Variants in ZNF544 observed in about 807,000 individuals in gnomAD.
ZNF544 encodes zinc finger protein AF020591.
In ZNF544, 10 loss-of-function variants were observed where a neutral mutation model predicts 13.5. The ratio of observed to expected loss-of-function variants is 0.74; its 90% CI spans 0.46 to 1.25. The LOEUF is 1.25. Ranked by LOEUF, ZNF544 falls within the 50% of genes most tolerant of loss-of-function variation. The pLI, the probability that ZNF544 is intolerant of heterozygous loss-of-function variation, is 0.00. For missense variants in ZNF544, 896 were observed against 845.6 expected, an observed-to-expected ratio of 1.06 and a Z score of -0.74; for synonymous variants, 323 against 300.5, an observed-to-expected ratio of 1.07 and a Z score of -0.77.
At chr19:58,264,721 G>C (rs1216872152), downstream of ZNF544, among the ~76,000 whole-genome samples, 3 of 148,280 alleles carry the variant, frequency 2.0e-5, no homozygotes, top group Non-Finnish European at 1.5e-5. Flanking sequence ...AAAAAACCCT[G>C]AGCTGGCTGT....
At chr19:58,247,716 T>A (rs979830782) in intron 6 of ZNF544, 1 of 152,018 alleles carries the variant, frequency 6.6e-6, no homozygotes, top group African/African-American at 2.4e-5. Flanking sequence ...GTATTTTTAA[T>A]GGAGATAGGG....
At chr19:58,255,762 G>T (rs571501850) in intron 6 of ZNF544, among the ~76,000 whole-genome samples, 2 of 152,224 alleles carry the variant, frequency 1.3e-5, no homozygotes, top group Non-Finnish European at 2.9e-5. Flanking sequence ...ATGAGCTGCC[G>T]CTGCCAGTTG....
Position 58,261,201 on chromosome 19 carries a change from G to T in ZNF544, c.595G>T (p.Ala199Ser), listed in dbSNP as rs2048863360. ...AGTTAAAGAGTTGAAACAAAATTCA[G>T]CTTTCATTAATCATGAGAAAAATGG... ...SQVKELKQNS[A>S]FINHEKNGAD... Residue 199 changes from alanine (A) to serine (S), a missense_variant, in exon 7 of 7, where the codon GCT (alanine) becomes TCT (serine). Ala to Ser is a moderately conservative substitution (Grantham distance 99). Transcript: ENST00000687789. 1 of 1,614,102 alleles carries T rather than the reference G, an allele frequency of 6.2e-7. No homozygotes were observed. Among genetic ancestry groups the T allele is most frequent in the Non-Finnish European group, 8.5e-7 (1 of 1,180,040 alleles).
chr19:58,263,513 C>T lies in ZNF544; in HGVS notation c.*759C>T, dbSNP rs1248914404. 3.0e-6 allele frequency: 3 copies of T among 985,328 alleles called. No individual in the cohort carries two copies. Among genetic ancestry groups the T allele is most frequent in the Non-Finnish European group, 2.4e-6 (2 of 829,952 alleles). 61.0% of individuals were successfully genotyped at this position (985,328 alleles called of 1,614,324 possible). A position where few individuals can be genotyped will look rare whatever the true frequency, so the allele number is the denominator to read the frequency against. On this transcript the variant is annotated 3_prime_UTR_variant, in exon 7 of 7. Transcript: ENST00000687789. ...CTGCCAGACCTTGTTTACTAGAAATCAGGTGGCCAAAACATGACTCTCAGA... is the reference window on the plus strand; with the variant it reads ...CTGCCAGACCTTGTTTACTAGAAATTAGGTGGCCAAAACATGACTCTCAGA...
In ZNF544 at chr19:58,238,636, C is replaced by G. The variant is rs150618735; in HGVS notation, c.-59-5329C>G. 2.9e-3 allele frequency among the ~76,000 whole-genome samples: 435 copies of G among 152,246 alleles called. 3 individuals are homozygous for G. Among genetic ancestry groups the G allele is most frequent in the African/African-American group, 0.01 (417 of 41,524 alleles). ...CGTACGTGAGGGTCTGCTGTGCGCT[C>G]AGTACAGAGTGGGTGTGGGTTTCTG... On this transcript the variant is annotated intron_variant, in intron 3 of 6. Transcript: ENST00000687789.
chr19:58,233,010 T>A (rs1245314638), intron 3 of ZNF544, among the ~76,000 whole-genome samples: 3 of 151,304 alleles, frequency 2.0e-5, no homozygotes, highest in Non-Finnish European at 4.4e-5. Flanking sequence ...GAAAGAGGTT[T>A]AATTGACTCA....
At chr19:58,256,288 T>C (rs2047344955) in intron 6 of ZNF544, among the ~76,000 whole-genome samples, 1 of 152,214 alleles carries the variant, frequency 6.6e-6, no homozygotes. Context: ...ACTTTTTTTT[T>C]TTTGAGATGG....
intron 5 of ZNF544, among the ~76,000 whole-genome samples, chr19:58,273,455 C>T (rs1472083052): frequency 1.3e-5 from 2 of 152,194 alleles, no homozygotes; most frequent in East Asian, 1.9e-4. Context: ...CTTTGGGAGG[C>T]CAAGGTGGGC....
At chr19:58,245,407 T>C (rs2044933029) in intron 4 of ZNF544, among the ~76,000 whole-genome samples, 1 of 151,914 alleles carries the variant, frequency 6.6e-6, no homozygotes, top group African/African-American at 2.4e-5. Context: ...TTCAAGCGAT[T>C]CTCCTGCTGC....
rs115756733 is a variant in ZNF544, at chr19:58,248,952, G to A, written c.244+2158G>A. 8.5e-4 allele frequency among the ~76,000 whole-genome samples: 130 copies of A among 152,234 alleles called. 1 individual carries two copies. Among genetic ancestry groups the A allele is most frequent in the African/African-American group, 3.0e-3 (125 of 41,542 alleles). ...GGCCCATAACTAGTCTGATTGGTTG[G>A]GGAAGGTGACCAACAGAGGCTGAAG... On this transcript the variant is annotated intron_variant, in intron 6 of 6. Coordinates refer to ENST00000687789, the MANE Select transcript of ZNF544 (RefSeq NM_014480.4).
At chr19:58,235,256 A>C (rs1000817458) in intron 3 of ZNF544, among the ~76,000 whole-genome samples, 8 of 152,218 alleles carry the variant, frequency 5.3e-5, no homozygotes, top group Admixed American at 2.0e-4. Context: ...CAATGGTGAG[A>C]ATTTGTATAT....
At position 58,261,722 on chromosome 19, in the gene ZNF544, AAC is replaced by A. The variant is rs2048993281; in HGVS notation, c.1123_1124del (p.Thr375TrpfsTer15). The A allele has an allele frequency of 6.2e-7, 1 of 1,614,134 alleles. No homozygotes were observed. Among genetic ancestry groups the A allele is most frequent in the Non-Finnish European group, 8.5e-7 (1 of 1,180,046 alleles). On this transcript the variant is annotated frameshift_variant, in exon 7 of 7. Transcript: ENST00000687789. LOFTEE classifies it low-confidence loss of function (END_TRUNC). ...GCTGTTGTAAGCTCATACACCAGAG[AAC>A]ACACACTGGAGAAAAGCCCTTCGAA... ...FSCCKLIHQR[T>X]HTGEKPFECT...
chr19:58,248,134 G>A (rs1026158084), intron 6 of ZNF544, among the ~76,000 whole-genome samples: 1 of 151,646 alleles, frequency 6.6e-6, no homozygotes, highest in South Asian at 2.1e-4. Flanking sequence ...GGATGGTCTC[G>A]ATCTCCTGAC....
intron 6 of ZNF544, chr19:58,259,444 C>T (rs757329067): frequency 3.3e-5 from 5 of 152,208 alleles, no homozygotes; most frequent in Non-Finnish European, 4.4e-5. Flanking sequence ...TTTCCACCAA[C>T]CTGTTGGCTT....
chr19:58,233,783 T>C lies in ZNF544; in HGVS notation c.-60+3321T>C, dbSNP rs151234421. Among the ~76,000 whole-genome samples, 332 of 152,322 alleles carry C rather than the reference T, an allele frequency of 2.2e-3. 1 individual carries two copies. The highest frequency in any genetic ancestry group is 7.5e-3 in the African/African-American group (310 of 41,574). On this transcript the variant is annotated intron_variant, in intron 3 of 6. Coordinates refer to ENST00000687789, the MANE Select transcript of ZNF544 (RefSeq NM_014480.4). ...CTCATGGACTTAAATATCTTTACTG[T>C]GGTGCCCCAGTATCTTCTCTGGGCT...
intron 5 of ZNF544, chr19:58,276,219 C>G (rs1238922892): frequency 4.0e-6 from 2 of 495,126 alleles, no homozygotes; most frequent in Admixed American, 8.8e-5. Context: ...CAGGTTTCCC[C>G]TAAAGAGAAT....
chr19:58,266,509 G>A (rs1163667776), downstream of ZNF544: 2 of 109,264 alleles, frequency 1.8e-5, no homozygotes, highest in South Asian at 3.2e-4. Context: ...AGTGAGACTC[G>A]GTCTCAAAAA....
In ZNF544 at chr19:58,261,043, C is replaced by T. The variant is rs1424064975; in HGVS notation, c.437C>T (p.Thr146Ile). Residue 146 changes from threonine (T) to isoleucine (I), a missense_variant, in exon 7 of 7, where the codon ACC (threonine) becomes ATC (isoleucine). Thr to Ile is a moderately conservative substitution (Grantham distance 89). Transcript: ENST00000687789. The part of the protein sequence containing the change: ...QENSLRFMVL[T>I]SERLFAQREH... ...AACTCCTTGAGGTTCATGGTACTCA[C>T]CTCAGAGAGACTGTTTGCTCAAAGG... 2 of 1,614,172 alleles carry T rather than the reference C, an allele frequency of 1.2e-6. No homozygotes were observed. The highest frequency in any genetic ancestry group is 2.7e-5 in the African/African-American group (2 of 75,046).
chr19:58,251,369 C>T (rs2046281812), intron 6 of ZNF544: 1 of 519,010 alleles, frequency 1.9e-6, no homozygotes, highest in South Asian at 1.4e-5. Flanking sequence ...GGTTCCCGGT[C>T]TGGGACTTCA....
Sources: gnomAD v4.1 joint callset for allele counts (sites outside exome capture counted in the v4.1 genomes callset) on GRCh38, gnomAD v4.1.1 for gene constraint, MANE v1.5 for transcripts, NCBI Gene and HGNC (gene_info 2026-07-23, HGNC 2026-07-21) for gene names.